ARHGAP24: variants seen among roughly 807,000 people sequenced by gnomAD.
ARHGAP24 encodes rho GTPase-activating protein 24.
In ARHGAP24, 50 loss-of-function variants were observed where a neutral mutation model predicts 76.4. The ratio of observed to expected loss-of-function variants is 0.65; its 90% CI spans 0.52 to 0.83. The LOEUF (loss-of-function observed/expected upper bound fraction) is 0.83, where lower values mean the gene tolerates loss of function less well. Among genes scored for constraint, ARHGAP24 ranks in the 40% least tolerant of loss-of-function variants. The pLI is 0.00. For synonymous variants in ARHGAP24, 345 were observed against 323.3 expected (o/e 1.07, Z -0.72); for missense variants, 930 against 914.2 (o/e 1.02, Z -0.22).
chr4:85,624,237 C>T (rs576514252), intron 2 of ARHGAP24, among the ~76,000 whole-genome samples: 1 of 152,130 alleles, frequency 6.6e-6, no homozygotes, highest in Non-Finnish European at 1.5e-5. Flanking sequence ...ATAGATAGCT[C>T]TTATTATTTT....
intron 2 of ARHGAP24, among the ~76,000 whole-genome samples, chr4:85,576,431 A>G (rs1727381476): frequency 6.8e-6 from 1 of 148,048 alleles, no homozygotes; most frequent in Non-Finnish European, 1.5e-5. Context: ...CTCCATCTCA[A>G]AAAAAAAAAA....
At chr4:85,991,669 A>G (rs2148868166) in intron 8 of ARHGAP24, 1 of 152,934 alleles carries the variant, frequency 6.5e-6, no homozygotes, top group East Asian at 1.9e-4. Flanking sequence ...GACAGAAAGC[A>G]CATCAAGGAT....
chr4:85,621,803 A>G (rs1353670567), intron 2 of ARHGAP24, among the ~76,000 whole-genome samples: 2 of 152,020 alleles, frequency 1.3e-5, no homozygotes, highest in African/African-American at 4.8e-5. Context: ...TTTTTGTTGC[A>G]TTTGCTTTTC....
chr4:85,508,024 A>G (rs111412100), intron 1 of ARHGAP24, among the ~76,000 whole-genome samples: 4 of 151,164 alleles, frequency 2.6e-5, no homozygotes, highest in African/African-American at 9.7e-5. Flanking sequence ...GGACATTTTT[A>G]TATCTCCTTT....
intron 3 of ARHGAP24, among the ~76,000 whole-genome samples, chr4:85,814,904 A>G (rs1183592854): frequency 6.6e-6 from 1 of 152,206 alleles, no homozygotes; most frequent in Non-Finnish European, 1.5e-5. Context: ...CTTCTGCCTG[A>G]GCATCCAGGC....
chr4:85,628,029 T>C lies in ARHGAP24; in HGVS notation c.180+57308T>C, dbSNP rs927294741. The stretch of plus-strand genomic sequence containing the variant: ...TCGCTGACCCCTTGCGCTTCCCAGG[T>C]GAGGTGATGCCTCGCCCTGCTTCGG... On this transcript the variant is annotated intron_variant, in intron 2 of 9. Transcript: ENST00000395184. Among the ~76,000 whole-genome samples, 26 of 152,156 alleles carry C rather than the reference T, an allele frequency of 1.7e-4. 2 individuals are homozygous for C.
intron 3 of ARHGAP24, among the ~76,000 whole-genome samples, chr4:85,849,167 C>A (rs1363427810): frequency 6.8e-6 from 1 of 146,298 alleles, no homozygotes; most frequent in Non-Finnish European, 1.5e-5. Flanking sequence ...CTTCACATCC[C>A]TTGTAAGTTG....
chr4:85,737,476 C>T (rs1377332605), intron 3 of ARHGAP24, among the ~76,000 whole-genome samples: 1 of 152,182 alleles, frequency 6.6e-6, no homozygotes, highest in African/African-American at 2.4e-5. Flanking sequence ...GTTGTGGGCT[C>T]AGTCTAATGG....
chr4:85,955,072 C>T (rs964548192), intron 5 of ARHGAP24, among the ~76,000 whole-genome samples: 7 of 152,176 alleles, frequency 4.6e-5, no homozygotes, highest in Non-Finnish European at 1.0e-4. Context: ...CAGTGCTACA[C>T]ATTCTCATGG....
chr4:85,555,225 T>G (rs1726309081), intron 1 of ARHGAP24, among the ~76,000 whole-genome samples: 1 of 152,198 alleles, frequency 6.6e-6, no homozygotes, highest in Non-Finnish European at 1.5e-5. Context: ...AGAGTTCTTG[T>G]GCTGGTTCTT....
chr4:85,613,041 G>A (rs529741253), intron 2 of ARHGAP24, among the ~76,000 whole-genome samples: 160 of 151,902 alleles, frequency 1.1e-3, no homozygotes, highest in African/African-American at 3.6e-3. Flanking sequence ...CAAGCAATCT[G>A]CCCATCTCAA....
chr4:85,849,086 A>T (rs1355483261), intron 3 of ARHGAP24, among the ~76,000 whole-genome samples: 1 of 142,588 alleles, frequency 7.0e-6, no homozygotes, highest in Non-Finnish European at 1.5e-5. Context: ...TGAGCGTGGA[A>T]TGTTCTTCCA....
At chr4:85,710,195 TA>T (rs1460494717) in intron 2 of ARHGAP24, among the ~76,000 whole-genome samples, 1 of 151,800 alleles carries the variant, frequency 6.6e-6, no homozygotes, top group Non-Finnish European at 1.5e-5. Flanking sequence ...AACCCAGAAA[TA>T]AGGTCGCACA....
intron 1 of ARHGAP24, among the ~76,000 whole-genome samples, chr4:85,548,886 C>T (rs886121554): frequency 6.6e-6 from 1 of 152,142 alleles, no homozygotes; most frequent in Non-Finnish European, 1.5e-5. Flanking sequence ...AGTTTTGCCT[C>T]ATCTAGAACT....
At chr4:85,747,708 A>AAAACAAACAAACAAAC (rs10653867) in intron 3 of ARHGAP24, among the ~76,000 whole-genome samples, 2 of 150,634 alleles carry the variant, frequency 1.3e-5, no homozygotes, top group African/African-American at 4.9e-5. Flanking sequence ...GTCTAAAACA[A>AAAACAAACAAACAAAC]AAACAAACAA....
At chr4:85,821,894 G>A (rs1729489071) in intron 3 of ARHGAP24, among the ~76,000 whole-genome samples, 1 of 152,118 alleles carries the variant, frequency 6.6e-6, no homozygotes, top group African/African-American at 2.4e-5. Flanking sequence ...TTGGTTACAG[G>A]CCAAAGCGAA....
intron 1 of ARHGAP24, among the ~76,000 whole-genome samples, chr4:85,488,779 C>CA (rs1723248497): frequency 6.6e-6 from 1 of 152,022 alleles, no homozygotes; most frequent in South Asian, 2.1e-4. Flanking sequence ...CCATCTTTGG[C>CA]AAAAATGGAG....
chr4:85,713,340 T>A (rs935342768), intron 2 of ARHGAP24, among the ~76,000 whole-genome samples: 1 of 151,884 alleles, frequency 6.6e-6, no homozygotes, highest in Non-Finnish European at 1.5e-5. Flanking sequence ...AAAAACATAT[T>A]TCTATGTTTT....
At chr4:85,622,001 C>A (rs535510849) in intron 2 of ARHGAP24, among the ~76,000 whole-genome samples, 1 of 152,076 alleles carries the variant, frequency 6.6e-6, no homozygotes, top group African/African-American at 2.4e-5. Flanking sequence ...TCGCTTAGAA[C>A]TTCTTTTGCT....
Sources: allele counts gnomAD v4.1 joint callset (sites outside exome capture counted in the v4.1 genomes callset), GRCh38; gene constraint gnomAD v4.1.1; transcripts MANE v1.5; gene names NCBI Gene and HGNC (gene_info 2026-07-23, HGNC 2026-07-21).